The following BNC2 variants were observed in gnomAD, a reference collection of about 807,000 sequenced individuals.
BNC2 encodes basonuclin zinc finger protein 2.
BNC2 carries 20 observed loss-of-function variants against 76.3 expected under a neutral mutation model. That is an observed-to-expected ratio of 0.26 (90% CI 0.18 to 0.38). The LOEUF (loss-of-function observed/expected upper bound fraction) is 0.38, where lower values mean the gene tolerates loss of function less well. Ranked by LOEUF, BNC2 falls within the 10% of genes least tolerant of loss-of-function variation. The pLI is 1.00. For missense variants in BNC2, 1,382 were observed against 1,399.8 expected, an observed-to-expected ratio of 0.99 and a Z score of 0.20; for synonymous variants, 582 against 514.8, an observed-to-expected ratio of 1.13 and a Z score of -1.77.
At chr9:16,657,056 C>T (rs1334573918) in intron 3 of BNC2, among the ~76,000 whole-genome samples, 1 of 152,106 alleles carries the variant, frequency 6.6e-6, no homozygotes, top group Admixed American at 6.6e-5. Context: ...TAGCTTCTGA[C>T]TGGCTTAGTT....
chr9:16,752,939 G>A (rs1050059271), intron 1 of BNC2, among the ~76,000 whole-genome samples: 3 of 152,224 alleles, frequency 2.0e-5, no homozygotes, highest in Non-Finnish European at 4.4e-5. Flanking sequence ...TGGATGCACA[G>A]TTTAATATGA....
At chr9:16,850,808 A>T (rs568382495) in intron 1 of BNC2, among the ~76,000 whole-genome samples, 115 of 74,000 alleles carry the variant, frequency 1.6e-3, no homozygotes, top group African/African-American at 5.6e-3. Context: ...TAAAAAGTAA[A>T]TAAAAAAAAA....
intron 4 of BNC2, among the ~76,000 whole-genome samples, chr9:16,578,119 T>G (rs901801154): frequency 6.6e-6 from 1 of 152,134 alleles, no homozygotes; most frequent in African/African-American, 2.4e-5. Flanking sequence ...CTGATCTAGT[T>G]TAAAAAAAAA....
At chr9:16,795,246 G>A (rs1301392413) in intron 1 of BNC2, among the ~76,000 whole-genome samples, 2 of 152,076 alleles carry the variant, frequency 1.3e-5, no homozygotes, top group South Asian at 2.1e-4. Flanking sequence ...AAGGAAGTAG[G>A]AAGGTTCAAC....
At chr9:16,603,618 T>A (rs895809253) in intron 3 of BNC2, among the ~76,000 whole-genome samples, 1 of 152,148 alleles carries the variant, frequency 6.6e-6, no homozygotes, top group African/African-American at 2.4e-5. Flanking sequence ...AATTAGAGCA[T>A]CCTTTCTGGT....
At chr9:16,626,176 A>T (rs1820988085) in intron 3 of BNC2, 1 of 152,200 alleles carries the variant, frequency 6.6e-6, no homozygotes, top group Non-Finnish European at 1.5e-5. Flanking sequence ...ATATCTAAAG[A>T]GGACTCCTCA....
intron 1 of BNC2, among the ~76,000 whole-genome samples, chr9:16,791,122 C>T (rs1471785155): frequency 6.6e-6 from 1 of 151,798 alleles, no homozygotes; most frequent in African/African-American, 2.4e-5. Context: ...AGTGCAGTGG[C>T]ATGATCTCGG....
Position 16,518,879 on chromosome 9 carries a change from G to A in BNC2, c.669+33651C>T, listed in dbSNP as rs191404871. Among the ~76,000 whole-genome samples, 867 of 152,270 alleles carry A rather than the reference G, an allele frequency of 5.7e-3. 10 individuals carry two copies. Among genetic ancestry groups the A allele is most frequent in the African/African-American group, 0.02 (828 of 41,554 alleles). On this transcript the variant is annotated intron_variant, in intron 5 of 6. Coordinates refer to ENST00000380672, the MANE Select transcript of BNC2 (RefSeq NM_017637.6). Reference sequence around the variant, plus strand: ...GCCTCCCCAAGTGCAGGGATTACAGGCGTGAGCCACTGAGCCCGGCCCTAA... The same window carrying A: ...GCCTCCCCAAGTGCAGGGATTACAGACGTGAGCCACTGAGCCCGGCCCTAA...
intron 4 of BNC2, among the ~76,000 whole-genome samples, chr9:16,569,409 TATAC>T (rs1253471920): frequency 6.6e-6 from 1 of 152,112 alleles, no homozygotes; most frequent in Non-Finnish European, 1.5e-5. Flanking sequence ...GGTATGTGGA[TATAC>T]ATACACATAT....
intron 3 of BNC2, among the ~76,000 whole-genome samples, chr9:16,621,652 T>C (rs1340584684): frequency 1.3e-5 from 2 of 152,084 alleles, no homozygotes; most frequent in African/African-American, 4.8e-5. Context: ...TACACTGCTG[T>C]GGTGGAAAGA....
chr9:16,615,645 G>A (rs1820676021), intron 3 of BNC2, among the ~76,000 whole-genome samples: 1 of 152,028 alleles, frequency 6.6e-6, no homozygotes, highest in African/African-American at 2.4e-5. Context: ...AAAACATTCA[G>A]CTTTAATTGT....
intron 5 of BNC2, among the ~76,000 whole-genome samples, chr9:16,550,204 G>A (rs1818615107): frequency 6.6e-6 from 1 of 152,050 alleles, no homozygotes; most frequent in African/African-American, 2.4e-5. Flanking sequence ...GCCCATGAAG[G>A]CTCTGAATGC....
chr9:16,419,780 T>C (rs1051167616), intron 6 of BNC2, 131 bp from the exon 7 acceptor site: 1 of 682,844 alleles, frequency 1.5e-6, no homozygotes, highest in Non-Finnish European at 2.6e-6. Flanking sequence ...AATTACACCA[T>C]TATAAAAGCA....
intron 1 of BNC2, among the ~76,000 whole-genome samples, chr9:16,823,216 T>C (rs1818380715): frequency 6.6e-6 from 1 of 152,152 alleles, no homozygotes; most frequent in Non-Finnish European, 1.5e-5. Context: ...TTCAGTGACT[T>C]TCTAACCAAC....
intron 5 of BNC2, among the ~76,000 whole-genome samples, chr9:16,469,212 A>G (rs1821765074): frequency 7.3e-6 from 1 of 136,952 alleles, no homozygotes; most frequent in African/African-American, 2.7e-5. Flanking sequence ...GCTCTCAAAC[A>G]GTACTAATGA....
chr9:16,554,208 C>T (rs1194466532), intron 4 of BNC2, among the ~76,000 whole-genome samples: 1 of 152,210 alleles, frequency 6.6e-6, no homozygotes, highest in African/African-American at 2.4e-5. Flanking sequence ...TCCTATTTTA[C>T]TACACCAATA....
At chr9:16,480,777 G>A (rs1228384137) in intron 5 of BNC2, among the ~76,000 whole-genome samples, 1 of 152,336 alleles carries the variant, frequency 6.6e-6, no homozygotes, top group Admixed American at 6.5e-5. Context: ...AGTCCGCCAT[G>A]CCTGAGCCTC....
At chr9:16,451,833 T>G (rs1323080028) in intron 5 of BNC2, among the ~76,000 whole-genome samples, 1 of 152,202 alleles carries the variant, frequency 6.6e-6, no homozygotes, top group Non-Finnish European at 1.5e-5. Flanking sequence ...TTTATCGTCC[T>G]TGATATCCCC....
At chr9:16,640,219 A>G (rs1821452665) in intron 3 of BNC2, among the ~76,000 whole-genome samples, 1 of 152,196 alleles carries the variant, frequency 6.6e-6, no homozygotes, top group Non-Finnish European at 1.5e-5. Context: ...AAAAGCCAAG[A>G]GTAATAAAAT....
Sources: allele counts gnomAD v4.1 joint callset (sites outside exome capture counted in the v4.1 genomes callset), GRCh38; gene constraint gnomAD v4.1.1; transcripts MANE v1.5; gene names NCBI Gene and HGNC (gene_info 2026-07-23, HGNC 2026-07-21).